The following TMEFF2 variants were observed in gnomAD, a reference collection of about 807,000 sequenced individuals.
TMEFF2 encodes tomoregulin-2.
Under a neutral mutation model 53.8 loss-of-function variants are expected in TMEFF2, and 28 were observed. That is an observed-to-expected ratio of 0.52 (90% confidence interval 0.39 to 0.71). The LOEUF (loss-of-function observed/expected upper bound fraction) is 0.71. Among genes scored for constraint, TMEFF2 ranks in the 30% least tolerant of loss-of-function variants. The probability of loss-of-function intolerance (pLI) is 0.00; values close to 1 mark genes in which losing one functional copy is unlikely to be tolerated. For missense variants in TMEFF2, 353 were observed against 455.2 expected (o/e 0.78, Z 2.04); for synonymous variants, 162 against 166.3 (o/e 0.97, Z 0.20).
intron 4 of TMEFF2, among the ~76,000 whole-genome samples, chr2:192,149,818 C>G (rs1690341558): frequency 6.6e-6 from 1 of 151,940 alleles, no homozygotes; most frequent in Admixed American, 6.6e-5. Flanking sequence ...TATTTTCATA[C>G]AATTTCTTGA....
At position 192,162,377 on chromosome 2, in the gene TMEFF2, T is replaced by C. The variant is rs188035709; in HGVS notation, c.439+17291A>G. Among the ~76,000 whole-genome samples the C allele has an allele frequency of 4.7e-4, 72 of 152,278 alleles. 1 individual carries two copies. The highest frequency in any genetic ancestry group is 8.3e-4 in the South Asian group (4 of 4,830). ...TTTAATATGTTTTAAATTCTCCACA[T>C]TAAGCTATCTGAAAACATCAACCAC... On this transcript the variant is annotated intron_variant, in intron 4 of 9. Transcript: ENST00000272771.
chr2:191,986,073 G>C (rs1308139662), intron 7 of TMEFF2, among the ~76,000 whole-genome samples: 2 of 152,170 alleles, frequency 1.3e-5, no homozygotes, highest in Non-Finnish European at 2.9e-5. Context: ...TGTTCCATGA[G>C]CAACACAACA....
chr2:192,012,047 C>T (rs940777068), intron 5 of TMEFF2, among the ~76,000 whole-genome samples: 10 of 151,854 alleles, frequency 6.6e-5, no homozygotes, highest in Admixed American at 3.9e-4. Context: ...CGACCTCGCC[C>T]GGCCCACCAC....
rs182730768 is a variant in TMEFF2, at chr2:192,070,854, T to C, written c.440-13079A>G. 2.6e-5 allele frequency among the ~76,000 whole-genome samples: 4 copies of C among 152,014 alleles called. No individual in the cohort carries two copies. In the East Asian group the frequency reaches 7.8e-4, roughly 30 times the overall value. On this transcript the variant is annotated intron_variant, in intron 4 of 9. Coordinates refer to ENST00000272771, the MANE Select transcript of TMEFF2 (RefSeq NM_016192.4). The stretch of plus-strand genomic sequence containing the variant: ...AAGATCAAATAGACCCTTTGGTAGT[T>C]ATTAAAGTTGTGTACTAAATGTCCA...
intron 4 of TMEFF2, among the ~76,000 whole-genome samples, chr2:192,135,615 A>G (rs1219829753): frequency 2.0e-5 from 3 of 151,514 alleles, no homozygotes; most frequent in African/African-American, 7.3e-5. Flanking sequence ...CCCCCCAAAA[A>G]TTTTCGCCGC....
rs373428410 is a variant in TMEFF2 at position 191,964,601 on chromosome 2, TTCCTTCTTAAAATAAAAATGAAAA to T, written c.746-8247_746-8224del. Among the ~76,000 whole-genome samples, 692 of 151,872 alleles carry T rather than the reference TTCCTTCTTAAAATAAAAATGAAAA, an allele frequency of 4.6e-3. 5 individuals are homozygous for T. The highest frequency in any genetic ancestry group is 0.016 in the African/African-American group (663 of 41,448). ...CAGCATTTCAACACACTCAAGTGTC[TTCCTTCTTAAAATAAAAATGAAAA>T]AGGCCCTCTCAATCCATGTCCCTTG... On this transcript the variant is annotated intron_variant, in intron 7 of 9. Transcript: ENST00000272771.
At position 192,043,236 on chromosome 2, in the gene TMEFF2, G is replaced by A. The variant is rs115283175; in HGVS notation, c.536+14443C>T. Among the ~76,000 whole-genome samples the A allele has an allele frequency of 2.7e-3, 418 of 152,204 alleles. 1 individual carries two copies. Among genetic ancestry groups the A allele is most frequent in the Middle Eastern group, 6.8e-3 (2 of 294 alleles). On this transcript the variant is annotated intron_variant, in intron 5 of 9. Transcript: ENST00000272771. ...CTTACTTGATTTGATAAGCAGAAACGTTCTTAAACAAAAGTCTAGCCTACA... is the reference window on the plus strand; with the variant it reads ...CTTACTTGATTTGATAAGCAGAAACATTCTTAAACAAAAGTCTAGCCTACA...
At chr2:192,050,348 A>T (rs1297879460) in intron 5 of TMEFF2, among the ~76,000 whole-genome samples, 1 of 152,234 alleles carries the variant, frequency 6.6e-6, no homozygotes, top group Non-Finnish European at 1.5e-5. Flanking sequence ...AATTTAAAAG[A>T]TTCTCTAGAA....
intron 8 of TMEFF2, among the ~76,000 whole-genome samples, chr2:191,955,524 ATTTTTTTTTT>A (rs71405028): frequency 1.7e-5 from 1 of 60,292 alleles, no homozygotes. Flanking sequence ...CTAATTCTTA[ATTTTTTTTTT>A]TTTTTTTTTT....
chr2:192,036,026 A>T (rs573656386), intron 5 of TMEFF2: 27 of 152,358 alleles, frequency 1.8e-4, no homozygotes, highest in African/African-American at 5.5e-4. Context: ...ACACAGTAAA[A>T]GTGAAAGCAC....
chr2:192,126,052 GT>G (rs1202396345), intron 4 of TMEFF2, among the ~76,000 whole-genome samples: 1 of 152,136 alleles, frequency 6.6e-6, no homozygotes, highest in East Asian at 1.9e-4. Flanking sequence ...ACAAAAGTTT[GT>G]TTTTTGAAAA....
At chr2:192,106,226 A>T (rs144467229) in intron 4 of TMEFF2, among the ~76,000 whole-genome samples, 245 of 151,928 alleles carry the variant, frequency 1.6e-3, no homozygotes, top group African/African-American at 5.8e-3. Flanking sequence ...AAGATAAAAA[A>T]GGTCATGATA....
At chr2:192,058,442 T>C (rs929298821) in intron 4 of TMEFF2, among the ~76,000 whole-genome samples, 3 of 152,132 alleles carry the variant, frequency 2.0e-5, no homozygotes, top group African/African-American at 4.8e-5. Context: ...AAAAAATACA[T>C]TGAGTCACTG....
intron 4 of TMEFF2, among the ~76,000 whole-genome samples, chr2:192,083,147 C>T (rs1477736806): frequency 6.6e-6 from 1 of 151,920 alleles, no homozygotes; most frequent in African/African-American, 2.4e-5. Flanking sequence ...AAGATTCCAA[C>T]TGGGAGGTAT....
At chr2:192,046,430 G>T (rs1431908145) in intron 5 of TMEFF2, among the ~76,000 whole-genome samples, 1 of 152,096 alleles carries the variant, frequency 6.6e-6, no homozygotes, top group African/African-American at 2.4e-5. Context: ...AGGTGACACT[G>T]CTTTCTAGGA....
At position 192,144,341 on chromosome 2, in the gene TMEFF2, T is replaced by C. The variant is rs148069194; in HGVS notation, c.439+35327A>G. 2.0e-3 allele frequency among the ~76,000 whole-genome samples: 297 copies of C among 152,200 alleles called. 2 individuals carry two copies. The highest frequency in any genetic ancestry group is 6.7e-3 in the African/African-American group (279 of 41,574). ...GGCATGATATTGGAGAACAGGTAAA[T>C]AGATTTATCTGATGCTTTAAAAATT... On this transcript the variant is annotated intron_variant, in intron 4 of 9. Coordinates refer to ENST00000272771, the MANE Select transcript of TMEFF2 (RefSeq NM_016192.4).
In TMEFF2 at chr2:191,949,600, T is replaced by G; in HGVS notation, c.*711A>C. ...GTTCAGTAAGTTCAGATATATGCAC[T>G]TAACTGGGGGATTCTAAGCTACTTC... On this transcript the variant is annotated 3_prime_UTR_variant, in exon 10 of 10. Coordinates refer to ENST00000272771, the MANE Select transcript of TMEFF2 (RefSeq NM_016192.4). 2 of 985,428 alleles carry G rather than the reference T, an allele frequency of 2.0e-6. No homozygotes were observed. The highest frequency in any genetic ancestry group is 2.4e-6 in the Non-Finnish European group (2 of 829,926). 61.0% of individuals were successfully genotyped at this position (985,428 alleles called of 1,614,324 possible). A position where few individuals can be genotyped will look rare whatever the true frequency, so the allele number is the denominator to read the frequency against.
intron 8 of TMEFF2, among the ~76,000 whole-genome samples, chr2:191,954,980 A>T (rs1005472593): frequency 6.6e-6 from 1 of 152,022 alleles, no homozygotes; most frequent in Non-Finnish European, 1.5e-5. Context: ...TTTTCTCTCC[A>T]TCAGGAAGGG....
chr2:192,134,594 C>A (rs1296830202), intron 4 of TMEFF2, among the ~76,000 whole-genome samples: 1 of 152,108 alleles, frequency 6.6e-6, no homozygotes, highest in East Asian at 1.9e-4. Flanking sequence ...TTCAGGCCCC[C>A]TCCCTTCCCT....
Sources: gnomAD v4.1 joint callset for allele counts (sites outside exome capture counted in the v4.1 genomes callset) on GRCh38, gnomAD v4.1.1 for gene constraint, MANE v1.5 for transcripts, NCBI Gene and HGNC (gene_info 2026-07-23, HGNC 2026-07-21) for gene names.